AFP: variants seen among roughly 807,000 people sequenced by gnomAD.
AFP encodes the protein alpha-fetoprotein.
In AFP, 64 loss-of-function variants were observed where a neutral mutation model predicts 78.9. The observed-to-expected ratio is 0.81, with a 90% CI of 0.66 to 1.00. AFP has a LOEUF of 1.00. Ranked by LOEUF, AFP falls within the 50% of genes least tolerant of loss-of-function variation. The pLI is 0.00. For synonymous variants in AFP, 254 were observed against 243.8 expected, an observed-to-expected ratio of 1.04 and a Z score of -0.39; for missense variants, 689 against 703.8, an observed-to-expected ratio of 0.98 and a Z score of 0.24.
intron 11 of AFP, among the ~76,000 whole-genome samples, chr4:73,451,942 G>A (rs1237430007): frequency 6.6e-6 from 1 of 152,152 alleles, no homozygotes; most frequent in Non-Finnish European, 1.5e-5. Context: ...TTTCAATTAG[G>A]ATGATATATT....
intron 7 of AFP, among the ~76,000 whole-genome samples, chr4:73,446,081 T>C (rs1446896758): frequency 1.3e-5 from 2 of 152,168 alleles, no homozygotes; most frequent in East Asian, 3.9e-4. Context: ...CCGATGGCAA[T>C]TCAGTGAGAT....
chr4:73,443,350 G>C lies in AFP; in HGVS notation c.619G>C (p.Ala207Pro). 2 of 1,611,316 alleles carry C rather than the reference G, an allele frequency of 1.2e-6. No homozygotes were observed. The change falls in exon 6 of 15, where the codon GCA becomes CCA. Residue 207 changes from alanine to proline, a missense_variant. Transcript: ENST00000395792. ...ATTTTGTTTCCTCTACATCTAGGCA[G>C]CAACAGTTACAAAAGAATTAAGAGA... ...NAVECFQTKA[A>P]TVTKELRESS...
At chr4:73,450,926 A>G (rs1210715160) in intron 11 of AFP, among the ~76,000 whole-genome samples, 173 bp downstream of exon 11, 1 of 152,220 alleles carries the variant, frequency 6.6e-6, no homozygotes, top group African/African-American at 2.4e-5. Context: ...GATGGCTGGC[A>G]TGTGGCCATG....
intron 14 of AFP, 129 bp from the exon 15 acceptor site, chr4:73,455,502 A>C: frequency 1.6e-6 from 1 of 643,550 alleles, no homozygotes; most frequent in East Asian, 2.7e-5. Context: ...TATTTAAAAG[A>C]CTTCAACAAA....
chr4:73,437,282 G>A, intron 2 of AFP, 71 bp downstream of exon 2: 1 of 1,323,336 alleles, frequency 7.6e-7, no homozygotes, highest in Non-Finnish European at 1.1e-6. Context: ...AATAAAATTG[G>A]GTACCCCTGT....
chr4:73,454,025 C>A, intron 13 of AFP, 128 bp downstream of exon 13: 3 of 1,105,966 alleles, frequency 2.7e-6, no homozygotes, highest in Non-Finnish European at 2.6e-6. Flanking sequence ...CATTGAGAAG[C>A]AGATTGAGGG....
chr4:73,454,901 T>A (rs1390838958), intron 13 of AFP, among the ~76,000 whole-genome samples: 1 of 152,144 alleles, frequency 6.6e-6, no homozygotes, highest in Non-Finnish European at 1.5e-5. Flanking sequence ...TGAGAAGACA[T>A]TTATTTAGAT....
chr4:73,451,239 A>C (rs1719982777), intron 11 of AFP, among the ~76,000 whole-genome samples: 1 of 152,174 alleles, frequency 6.6e-6, no homozygotes, highest in African/African-American at 2.4e-5. Flanking sequence ...TCCCTTTCGC[A>C]GGGTATAGGG....
intron 9 of AFP, 47 bp downstream of exon 9, chr4:73,449,514 A>G: frequency 6.2e-7 from 1 of 1,606,022 alleles, no homozygotes; most frequent in South Asian, 1.1e-5. Context: ...CTGGATTGAT[A>G]TCATCTGTTA....
intron 6 of AFP, among the ~76,000 whole-genome samples, 162 bp downstream of exon 6, chr4:73,443,606 A>C (rs1263943531): frequency 6.6e-6 from 1 of 152,210 alleles, no homozygotes; most frequent in African/African-American, 2.4e-5. Context: ...TCTTAGGATC[A>C]GAAGGAAGCT....
chr4:73,436,226 G>A lies in AFP; in HGVS notation c.-37G>A. ...ATTTCAGCATGATTTTCCATATTGT[G>A]CTTCCACCACTGCCAATAACAAAAT... On this transcript the variant is annotated 5_prime_UTR_variant, in exon 1 of 15. Coordinates refer to ENST00000395792, the MANE Select transcript of AFP (RefSeq NM_001134.3). 7.3e-7 allele frequency: 1 copy of A among 1,361,598 alleles called. No individual in the cohort carries two copies. The highest frequency in any genetic ancestry group is 1.0e-6 in the Non-Finnish European group (1 of 952,668). The allele number at this position is 1,361,598 out of a possible 1,614,324, so 84.3% of individuals were successfully genotyped here.
chr4:73,436,538 G>A (rs953283282), intron 1 of AFP, among the ~76,000 whole-genome samples, 191 bp downstream of exon 1: 3 of 151,700 alleles, frequency 2.0e-5, no homozygotes, highest in Non-Finnish European at 3.0e-5. Context: ...AGTTATAGCA[G>A]TGTTTAATGG....
At chr4:73,437,976 G>A (rs546869878) in intron 2 of AFP, among the ~76,000 whole-genome samples, 198 bp from the exon 3 acceptor site, 2 of 152,060 alleles carry the variant, frequency 1.3e-5, no homozygotes, top group East Asian at 1.9e-4. Flanking sequence ...TATATTTATG[G>A]CAAAAGAAAA....
intron 14 of AFP, 142 bp from the exon 15 acceptor site, chr4:73,455,489 G>A (rs550140809): frequency 1.6e-6 from 1 of 640,200 alleles, no homozygotes; most frequent in Non-Finnish European, 2.8e-6. Flanking sequence ...AATCCTTTTT[G>A]GTTATTTAAA....
chr4:73,447,330 C>T, intron 7 of AFP, 132 bp from the exon 8 acceptor site: 1 of 581,378 alleles, frequency 1.7e-6, no homozygotes, highest in African/African-American at 1.9e-5. Flanking sequence ...TTCCTTCTTT[C>T]CTGGCCTTTT....
At position 73,440,772 on chromosome 4, in the gene AFP, C is replaced by T; in HGVS notation, c.441C>T (p.Ser147=). Reference sequence around the variant, plus strand: ...TCCAAGTTCCAGAACCTGTCACAAGCTGTGAAGCATATGAAGAAGACAGGG... The same window carrying T: ...TCCAAGTTCCAGAACCTGTCACAAGTTGTGAAGCATATGAAGAAGACAGGG... ...PLFQVPEPVT[S]CEAYEEDRET... Residue 147 remains serine (S), a synonymous_variant, in exon 4 of 15, where the codon AGC becomes AGT. Transcript: ENST00000395792. 1 of 1,614,152 alleles carries T rather than the reference C, an allele frequency of 6.2e-7. No individual in the cohort carries two copies. Among genetic ancestry groups the T allele is most frequent in the Non-Finnish European group, 8.5e-7 (1 of 1,180,020 alleles).
chr4:73,443,408 T>TA lies in AFP; in HGVS notation c.679dup (p.Met227AsnfsTer16). On this transcript the variant is annotated frameshift_variant, in exon 6 of 15. Coordinates refer to ENST00000395792, the MANE Select transcript of AFP (RefSeq NM_001134.3). LOFTEE classifies it high-confidence loss of function. Reference sequence around the variant, plus strand: ...TTGTTAAATCAACATGCATGTGCAGTAATGAAAAATTTTGGGACCCGAACT... The same window carrying TA: ...TTGTTAAATCAACATGCATGTGCAGTAAATGAAAAATTTTGGGACCCGAACT... The TA allele has an allele frequency of 6.2e-7, 1 of 1,613,684 alleles. No individual in the cohort carries two copies. Among genetic ancestry groups the TA allele is most frequent in the Non-Finnish European group, 8.5e-7 (1 of 1,179,632 alleles).
intron 12 of AFP, 33 bp from the exon 13 acceptor site, chr4:73,453,732 T>G (rs1720077547): frequency 6.2e-7 from 1 of 1,609,928 alleles, no homozygotes; most frequent in South Asian, 1.1e-5. Flanking sequence ...CATAACAGAC[T>G]TCTCTTGTAT....
intron 9 of AFP, 101 bp downstream of exon 9, chr4:73,449,568 T>C: frequency 7.4e-7 from 1 of 1,344,388 alleles, no homozygotes; most frequent in Non-Finnish European, 1.1e-6. Flanking sequence ...AACTAGTTGT[T>C]AGCCAGTTAT....
Sources: gnomAD v4.1 joint callset for allele counts (sites outside exome capture counted in the v4.1 genomes callset) on GRCh38, gnomAD v4.1.1 for gene constraint, MANE v1.5 for transcripts, NCBI Gene and HGNC (gene_info 2026-07-23, HGNC 2026-07-21) for gene names.